KRT10: variants seen among roughly 807,000 people sequenced by gnomAD.
KRT10 encodes the protein keratin, type I cytoskeletal 10.
Under a neutral mutation model 59.2 loss-of-function variants are expected in KRT10, and 40 were observed. The ratio of observed to expected loss-of-function variants is 0.68; its 90% CI spans 0.52 to 0.88. The LOEUF is 0.88. KRT10 is among the 40% of genes least tolerant of loss of function. KRT10 has a pLI of 0.00. For missense variants in KRT10, 719 were observed against 749.1 expected, an observed-to-expected ratio of 0.96 and a Z score of 0.47; for synonymous variants, 336 against 310.7, an observed-to-expected ratio of 1.08 and a Z score of -0.86.
chr17:40,818,623 T>C (rs970609219), intron 7 of KRT10, 141 bp from the exon 8 acceptor site: 69 of 1,315,964 alleles, frequency 5.2e-5, no homozygotes, highest in Non-Finnish European at 7.1e-5. Flanking sequence ...ATTTTGATCA[T>C]GCCATTTTTC....
intron 2 of KRT10, 148 bp downstream of exon 2, chr17:40,820,887 C>A: frequency 1.1e-6 from 1 of 879,452 alleles, no homozygotes. Context: ...GTAACACTGA[C>A]ATGGAAAATT....
At chr17:40,818,515 G>A in intron 7 of KRT10, 33 bp from the exon 8 acceptor site, 4 of 1,395,992 alleles carry the variant, frequency 2.9e-6, no homozygotes, top group Non-Finnish European at 4.1e-6. Flanking sequence ...ATTTTAAACA[G>A]TCTGTAGGGA....
chr17:40,819,050 G>A lies in KRT10; in HGVS notation c.1485C>T (p.Ser495=), dbSNP rs1295246496. The part of the protein sequence containing the change: ...GGHGGGHGGS[S]GGGYGGGSSG... ...AGCTTCCGCCTCCGTAGCCGCCGCC[G>A]GAACTGCCGCCGTGGCCGCCGCCGT... is the stretch of plus-strand genomic sequence containing the variant. Residue 495 remains serine, a synonymous_variant, in exon 7 of 8, where the codon TCC becomes TCT. Coordinates refer to ENST00000269576, the MANE Select transcript of KRT10 (RefSeq NM_000421.5). 1 of 1,349,812 alleles carries A rather than the reference G, an allele frequency of 7.4e-7. No individual in the cohort carries two copies. The highest frequency in any genetic ancestry group is 1.5e-5 in the South Asian group (1 of 66,718). The allele number at this position is 1,349,812 out of a possible 1,614,324, so 83.6% of individuals were successfully genotyped here. A position where few individuals can be genotyped will look rare whatever the true frequency, so the allele number is the denominator to read the frequency against.
In KRT10 at chr17:40,818,499, A is replaced by G; in HGVS notation, c.1749-17T>C. On this transcript the variant is annotated splice_polypyrimidine_tract_variant and intron_variant, in intron 7 of 7. Coordinates refer to ENST00000269576, the MANE Select transcript of KRT10 (RefSeq NM_000421.5). ...TGTTAGTATCTGTGTGAATGATGGA[A>G]AAAAAATTTTAAACAGTCTGTAGGG... 1.3e-6 allele frequency: 2 copies of G among 1,547,944 alleles called. No homozygotes were observed. Among genetic ancestry groups the G allele is most frequent in the South Asian group, 2.2e-5 (2 of 89,704 alleles).
rs1040005286 is a variant in KRT10 at position 40,819,149 on chromosome 17, G to A, written c.1386C>T (p.Gly462=). ...CGCCGAAACTTCCGCCGCCGCGTCC[G>A]CCGCCTCCGGAACTAAACGGGGTGA... ...LLEGEGSSGG[G]GRGGGSFGGG... Residue 462 remains glycine, a synonymous_variant, in exon 7 of 8, where the codon GGC becomes GGT. Transcript: ENST00000269576. 2.1e-5 allele frequency: 33 copies of A among 1,542,142 alleles called. No individual in the cohort carries two copies. Among genetic ancestry groups the A allele is most frequent in the Non-Finnish European group, 2.7e-5 (31 of 1,154,048 alleles).
chr17:40,821,911 GATTAC>G (rs1905408132), intron 1 of KRT10, 43 bp downstream of exon 1: 4 of 1,585,316 alleles, frequency 2.5e-6, no homozygotes, highest in Non-Finnish European at 3.5e-6. Flanking sequence ...CATCTGTCTG[GATTAC>G]ATGGACAAGA....
In KRT10 at chr17:40,818,788, T is replaced by C. The variant is rs1463391293; in HGVS notation, c.1747A>G (p.Arg583Gly). The C allele has an allele frequency of 1.9e-6, 3 of 1,588,850 alleles. No homozygotes were observed. The African/African-American group carries it at 4.2e-5, about 22-fold the overall frequency. ...SVGESSSKGP[R>G]Y ...TTACCCCAGCTAGTTTCTGCTGACCTTGGTCCCTTAGATGAAGACTCGCCC... is the reference window on the plus strand; with the variant it reads ...TTACCCCAGCTAGTTTCTGCTGACCCTGGTCCCTTAGATGAAGACTCGCCC... Residue 583 changes from arginine to glycine, a missense_variant and splice_region_variant, in exon 7 of 8, where the codon AGA becomes GGA. Arg to Gly is a moderately radical substitution (Grantham distance 125). This residue lies in a region of KRT10 where 315 missense variants were observed against 270.6 expected (regional missense o/e 1.16). Transcript: ENST00000269576.
rs1338493662 is a variant in KRT10, at chr17:40,819,171, G to C, written c.1374-10C>G. 3.1e-6 allele frequency: 5 copies of C among 1,588,176 alleles called. No homozygotes were observed. The highest frequency in any genetic ancestry group is 2.2e-5 in the South Asian group (2 of 90,110). ...TCCGCCGCCTCCGGAACTAAACGGG[G>C]TGAGGTCACATTCGGTTATCTCTAA... is the stretch of plus-strand genomic sequence containing the variant. On this transcript the variant is annotated splice_polypyrimidine_tract_variant and intron_variant, in intron 6 of 7. Transcript: ENST00000269576.
Position 40,822,021 on chromosome 17 carries a change from G to A in KRT10, c.565C>T (p.His189Tyr). ...KEWYEKHGNSHQGEPRDYSKY... is the reference protein window; with the variant it reads ...KEWYEKHGNSYQGEPRDYSKY... ...CTGTAGTCACGAGGCTCCCCCTGAT[G>A]TGAGTTGCCATGCTTTTCATACCAC... Residue 189 changes from histidine to tyrosine, a missense_variant, in exon 1 of 8, where the codon CAT (histidine) becomes TAT (tyrosine). This residue lies in a region of KRT10 where 221 missense variants were observed against 277.8 expected (regional missense o/e 0.80). Transcript: ENST00000269576. 6.2e-7 allele frequency: 1 copy of A among 1,614,126 alleles called. No homozygotes were observed. The highest frequency in any genetic ancestry group is 1.3e-5 in the African/African-American group (1 of 75,022).
intron 3 of KRT10, 35 bp from the exon 4 acceptor site, chr17:40,820,458 G>A (rs553559976): frequency 1.9e-6 from 3 of 1,614,156 alleles, no homozygotes; most frequent in East Asian, 2.2e-5. Flanking sequence ...TTGGCTACAC[G>A]AGGACCATAA....
rs749525059 is a variant in KRT10 at position 40,818,899 on chromosome 17, TGCCGCCCCCGTAGCCGCCGCC to T, written c.1615_1635del (p.Gly539_Gly545del). 1.2e-5 allele frequency: 15 copies of T among 1,267,116 alleles called. No individual in the cohort carries two copies. In the South Asian group the frequency reaches 1.6e-4, roughly 14 times the overall value. The allele number at this position is 1,267,116 out of a possible 1,614,324, so 78.5% of individuals were successfully genotyped here. On this transcript the variant is annotated inframe_deletion, in exon 7 of 8. Transcript: ENST00000269576. ...CCGGAGCTGCTGCCGCCGCCGGAGC[TGCCGCCCCCGTAGCCGCCGCC>T]GCCGCCGCCGGAACTGCCACCACCG... is the stretch of plus-strand genomic sequence containing the variant.
rs1905184902 is a variant in KRT10, at chr17:40,818,905, C to T, written c.1630G>A (p.Gly544Ser). ...SSGGGGGGYG[G>S]GSSGGGSSSG... The stretch of plus-strand genomic sequence containing the variant: ...CTGCTGCCGCCGCCGGAGCTGCCGC[C>T]CCCGTAGCCGCCGCCGCCGCCGCCG... The change falls in exon 7 of 8, where the codon GGC (glycine) becomes AGC (serine). Residue 544 changes from glycine (G) to serine (S), a missense_variant. Gly to Ser is a moderately conservative substitution (Grantham distance 56, BLOSUM62 0). This residue lies in a region of KRT10 where 315 missense variants were observed against 270.6 expected (regional missense o/e 1.16). Coordinates refer to ENST00000269576, the MANE Select transcript of KRT10 (RefSeq NM_000421.5). 1.4e-6 allele frequency: 2 copies of T among 1,413,724 alleles called. No homozygotes were observed. Among genetic ancestry groups the T allele is most frequent in the South Asian group, 1.4e-5 (1 of 70,672 alleles). The allele number at this position is 1,413,724 out of a possible 1,614,324, so 87.6% of individuals were successfully genotyped here.
At position 40,819,012 on chromosome 17, in the gene KRT10, C is replaced by T; in HGVS notation, c.1523G>A (p.Ser508Asn). 8.0e-7 allele frequency: 1 copy of T among 1,255,668 alleles called. No homozygotes were observed. 77.8% of individuals were successfully genotyped at this position (1,255,668 alleles called of 1,614,324 possible). Residue 508 changes from serine (S) to asparagine (N), a missense_variant, in exon 7 of 8, where the codon AGC becomes AAC. Physicochemically the swap from Ser to Asn is conservative, Grantham distance 46. Around this residue, in one of 4 missense-constraint regions of KRT10, gnomAD observed 315 missense variants for 270.6 expected, o/e 1.16. Transcript: ENST00000269576. ...TCCGCCCCCGTAGCCGCCGCCGGAG[C>T]TTCCGCCGCCGGAGCTTCCGCCTCC... ...GYGGGSSGGG[S>N]SGGGYGGGSS...
Position 40,820,102 on chromosome 17 carries a change from A to G in KRT10, c.1102T>C (p.Leu368=). ...ISSYKSEITE[L]RRNVQALEIE... Reference sequence around the variant, plus strand: ...TCCAGAGCTTGTACATTACGTCTCAATTCAGTAATCTCAGATTTATAGCTG... The same window carrying G: ...TCCAGAGCTTGTACATTACGTCTCAGTTCAGTAATCTCAGATTTATAGCTG... The change falls in exon 5 of 8, where the codon TTG becomes CTG. Residue 368 remains leucine, a synonymous_variant. Transcript: ENST00000269576. 2 of 1,613,702 alleles carry G rather than the reference A, an allele frequency of 1.2e-6. No homozygotes were observed. The highest frequency in any genetic ancestry group is 8.5e-7 in the Non-Finnish European group (1 of 1,179,828).
In KRT10 at chr17:40,822,197, C is replaced by T. The variant is rs761352015; in HGVS notation, c.389G>A (p.Gly130Asp). ...GGFGGGGFGGGFGGGFGGDGG... is the reference protein window; with the variant it reads ...GGFGGGGFGGDFGGGFGGDGG... Reference sequence around the variant, plus strand: ...ATCTCCTCCAAATCCACCACCAAAGCCTCCTCCAAAGCCGCCTCCACCAAA... The same window carrying T: ...ATCTCCTCCAAATCCACCACCAAAGTCTCCTCCAAAGCCGCCTCCACCAAA... The change falls in exon 1 of 8, where the codon GGC (glycine) becomes GAC (aspartate). Residue 130 changes from glycine to aspartate, a missense_variant. By Grantham distance (94) the Gly-to-Asp change is moderately conservative. Transcript: ENST00000269576. 6.2e-7 allele frequency: 1 copy of T among 1,613,726 alleles called. No homozygotes were observed. The highest frequency in any genetic ancestry group is 2.2e-5 in the East Asian group (1 of 44,868).
chr17:40,820,645 G>A lies in KRT10; in HGVS notation c.733C>T (p.Arg245Cys), dbSNP rs775704094. 15 of 1,614,110 alleles carry A rather than the reference G, an allele frequency of 9.3e-6. No individual in the cohort carries two copies. Among genetic ancestry groups the A allele is most frequent in the East Asian group, 2.2e-5 (1 of 44,888 alleles). Residue 245 changes from arginine (R) to cysteine (C), a missense_variant, in exon 3 of 8, where the codon CGC becomes TGC. This residue lies in a region of KRT10 where 221 missense variants were observed against 277.8 expected (regional missense o/e 0.80). Coordinates refer to ENST00000269576, the MANE Select transcript of KRT10 (RefSeq NM_000421.5). ...TTGATGTCAGCCTCCACGCTCTGGC[G>A]CAGAGCTACCTCATTCTCATACCTG... ...RLKYENEVAL[R>C]QSVEADINGL...
intron 2 of KRT10, 151 bp downstream of exon 2, chr17:40,820,884 T>C: frequency 1.1e-6 from 1 of 876,424 alleles, no homozygotes; most frequent in African/African-American, 1.7e-5. Context: ...AAGGTAACAC[T>C]GACATGGAAA....
chr17:40,818,837 G>A lies in KRT10; in HGVS notation c.1698C>T (p.His566=), dbSNP rs758631225. The A allele has an allele frequency of 8.3e-7, 1 of 1,204,146 alleles. No individual in the cohort carries two copies. Among genetic ancestry groups the A allele is most frequent in the Non-Finnish European group, 1.1e-6 (1 of 895,250 alleles). The allele number at this position is 1,204,146 out of a possible 1,614,324, so 74.6% of individuals were successfully genotyped here. A position where few individuals can be genotyped will look rare whatever the true frequency, so the allele number is the denominator to read the frequency against. Residue 566 remains histidine, a synonymous_variant, in exon 7 of 8, where the codon CAC becomes CAT. Transcript: ENST00000269576. ...GYGGGSSSGG[H]KSSSSGSVGE... is the part of the protein sequence containing the mutation. The stretch of plus-strand genomic sequence containing the variant: ...CCACGGACCCGGAAGAGGAGGACTT[G>A]TGGCCTCCGCTGGAGCTGCCGCCGC...
In KRT10 at chr17:40,819,102, G is replaced by A. The variant is rs746598944; in HGVS notation, c.1433C>T (p.Ser478Phe). Residue 478 changes from serine (S) to phenylalanine (F), a missense_variant, in exon 7 of 8, where the codon TCC becomes TTC. By Grantham distance (155) the Ser-to-Phe change is radical. This residue lies in a region of KRT10 where 315 missense variants were observed against 270.6 expected (regional missense o/e 1.16). Transcript: ENST00000269576. ...SFGGGYGGGS[S>F]GGGSSGGGHG... is the part of the protein sequence containing the mutation. ...GCCGCCGCCGGAGCTTCCGCCGCCG[G>A]AGCTTCCGCCGCCGTAGCCGCCGCC... The A allele has an allele frequency of 2.7e-6, 4 of 1,471,034 alleles. No homozygotes were observed. Among genetic ancestry groups the A allele is most frequent in the Non-Finnish European group, 3.6e-6 (4 of 1,113,484 alleles). 91.1% of individuals were successfully genotyped at this position (1,471,034 alleles called of 1,614,324 possible). A position where few individuals can be genotyped will look rare whatever the true frequency, so the allele number is the denominator to read the frequency against.
Sources: allele counts gnomAD v4.1 joint callset, GRCh38; gene constraint gnomAD v4.1.1; regional missense constraint gnomAD v4.1.1; transcripts MANE v1.5; gene names NCBI Gene and HGNC (gene_info 2026-07-23, HGNC 2026-07-21).